SLC7A2: variants seen among roughly 807,000 people sequenced by gnomAD.
SLC7A2 encodes solute carrier family 7 member 2.
In SLC7A2, 48 loss-of-function variants were observed where a neutral mutation model predicts 58.9. The observed-to-expected ratio is 0.82, with a 90% CI of 0.65 to 1.04. The LOEUF is 1.04. Ranked by LOEUF, SLC7A2 falls within the 50% of genes least tolerant of loss-of-function variation. The pLI is 0.00. For synonymous variants in SLC7A2, 363 were observed against 314.5 expected, an observed-to-expected ratio of 1.15 and a Z score of -1.63; for missense variants, 1,029 against 818.8, an observed-to-expected ratio of 1.26 and a Z score of -3.13.
intron 2 of SLC7A2, among the ~76,000 whole-genome samples, chr8:17,515,188 G>C (rs13281892): frequency 6.6e-6 from 1 of 152,038 alleles, no homozygotes; most frequent in East Asian, 1.9e-4. Context: ...GTAATGGTGT[G>C]ATACACCCGG....
intron 2 of SLC7A2, among the ~76,000 whole-genome samples, chr8:17,536,191 A>C (rs1309364990): frequency 6.6e-6 from 1 of 152,086 alleles, no homozygotes; most frequent in Non-Finnish European, 1.5e-5. Context: ...TAGCTCTTAC[A>C]TGCTCCTCAT....
chr8:17,541,697 T>C (rs34068374), intron 2 of SLC7A2, among the ~76,000 whole-genome samples: 20,505 of 152,250 alleles, frequency 0.13, 1,881 homozygotes, highest in Non-Finnish European at 0.2. Context: ...TCTTTCATTT[T>C]TGATATTTCT....
chr8:17,499,412 C>T (rs576295741), intron 1 of SLC7A2, among the ~76,000 whole-genome samples: 1 of 150,566 alleles, frequency 6.6e-6, no homozygotes, highest in African/African-American at 2.4e-5. Context: ...CCTCCATTCT[C>T]TCTCCCCCCT....
intron 8 of SLC7A2, chr8:17,555,002 G>T: frequency 6.2e-7 from 1 of 1,613,976 alleles, no homozygotes; most frequent in Non-Finnish European, 8.5e-7. Flanking sequence ...GCCCGGGATG[G>T]CTTACTGTTT....
chr8:17,555,576 A>G (rs1160578618), intron 8 of SLC7A2, among the ~76,000 whole-genome samples: 1 of 152,230 alleles, frequency 6.6e-6, no homozygotes, highest in East Asian at 1.9e-4. Context: ...AATATTCAAG[A>G]TGATTTATGC....
At chr8:17,497,562 G>T (rs1419561870) in intron 1 of SLC7A2, among the ~76,000 whole-genome samples, 6 of 152,212 alleles carry the variant, frequency 3.9e-5, no homozygotes, top group Non-Finnish European at 1.5e-5. Flanking sequence ...CTGGAACTGG[G>T]AGAGGGGCTG....
intron 2 of SLC7A2, among the ~76,000 whole-genome samples, chr8:17,520,056 T>C (rs1037833821): frequency 1.6e-4 from 24 of 152,222 alleles, no homozygotes; most frequent in African/African-American, 5.5e-4. Flanking sequence ...GTTAAAGCTA[T>C]ATTATAGTTA....
chr8:17,551,670 T>C, intron 6 of SLC7A2, 94 bp from the exon 7 acceptor site: 2 of 896,956 alleles, frequency 2.2e-6, no homozygotes, highest in East Asian at 2.4e-5. Flanking sequence ...AGAGGAGAAC[T>C]ACCCTGGAGA....
chr8:17,543,447 C>A lies in SLC7A2; in HGVS notation c.108C>A (p.Thr36=), dbSNP rs1802009744. Residue 36 remains threonine (T), a synonymous_variant, in exon 3 of 13, where the codon ACC becomes ACA. Transcript: ENST00000494857. ...CCAAATTATGCCGCTGCTTATCCAC[C>A]ATGGACCTCATTGCCCTGGGCGTTG... ...EDTKLCRCLS[T]MDLIALGVGS... is the part of the protein sequence containing the mutation. The A allele has an allele frequency of 6.2e-7, 1 of 1,614,208 alleles. No individual in the cohort carries two copies. Among genetic ancestry groups the A allele is most frequent in the African/African-American group, 1.3e-5 (1 of 75,060 alleles).
intron 2 of SLC7A2, among the ~76,000 whole-genome samples, chr8:17,512,190 A>C (rs1033789989): frequency 6.6e-6 from 1 of 152,102 alleles, no homozygotes; most frequent in South Asian, 2.1e-4. Context: ...TATGTGGAGT[A>C]GAGTAACAAA....
chr8:17,548,865 T>G, intron 5 of SLC7A2, 22 bp downstream of exon 5: 1 of 1,578,630 alleles, frequency 6.3e-7, no homozygotes, highest in East Asian at 2.2e-5. Flanking sequence ...GAGGTTTTTT[T>G]TTTTCTCCTT....
chr8:17,556,650 C>T (rs1802717404), intron 8 of SLC7A2, among the ~76,000 whole-genome samples: 1 of 151,840 alleles, frequency 6.6e-6, no homozygotes, highest in South Asian at 2.1e-4. Context: ...ACTCTGTCAC[C>T]CAGGCTGGAG....
intron 10 of SLC7A2, 31 bp from the exon 11 acceptor site, chr8:17,561,911 TGC>T (rs1259664558): frequency 1.2e-6 from 2 of 1,609,974 alleles, no homozygotes; most frequent in Non-Finnish European, 1.7e-6. Context: ...GAGCACAGTG[TGC>T]TGACTCTGTT....
rs986451143 is a variant in SLC7A2, at chr8:17,543,461, C to T, written c.122C>T (p.Ala41Val). ...TGCTTATCCACCATGGACCTCATTGCCCTGGGCGTTGGAAGCACCCTTGGG... is the reference window on the plus strand; with the variant it reads ...TGCTTATCCACCATGGACCTCATTGTCCTGGGCGTTGGAAGCACCCTTGGG... ...CRCLSTMDLI[A>V]LGVGSTLGAG... Residue 41 changes from alanine (A) to valine (V), a missense_variant, in exon 3 of 13, where the codon GCC becomes GTC. By Grantham distance (64) the Ala-to-Val change is moderately conservative. Coordinates refer to ENST00000494857, the MANE Select transcript of SLC7A2 (RefSeq NM_001370338.1). 1.9e-6 allele frequency: 3 copies of T among 1,614,150 alleles called. No individual in the cohort carries two copies. Among genetic ancestry groups the T allele is most frequent in the Non-Finnish European group, 2.5e-6 (3 of 1,180,034 alleles).
chr8:17,510,301 C>A (rs2517233), intron 2 of SLC7A2, among the ~76,000 whole-genome samples: 150,268 of 152,142 alleles, frequency 0.99, 74,225 homozygotes, highest in East Asian at 1. Flanking sequence ...TCTGCAGAAA[C>A]GTCAAAATTG....
In SLC7A2 at chr8:17,554,628, A is replaced by G. The variant is rs1134976; in HGVS notation, c.1124A>G (p.Lys375Arg). The G allele has an allele frequency of 7.4e-6, 12 of 1,613,522 alleles. No homozygotes were observed. Among genetic ancestry groups the G allele is most frequent in the East Asian group, 6.7e-5 (3 of 44,824 alleles). The change falls in exon 8 of 13, where the codon AAA (lysine) becomes AGA (arginine). Residue 375 changes from lysine to arginine, a missense_variant. Lys to Arg is a conservative substitution (Grantham distance 26, BLOSUM62 2). Coordinates refer to ENST00000494857, the MANE Select transcript of SLC7A2 (RefSeq NM_001370338.1). ...ATGGCGGAGGATGGGTTGCTTTTCA[A>G]ATGTCTAGCTCAAATCAATTCCAAA... ...YAMAEDGLLF[K>R]CLAQINSKTK...
chr8:17,564,330 C>T (rs1004894694), intron 12 of SLC7A2, among the ~76,000 whole-genome samples: 5 of 152,118 alleles, frequency 3.3e-5, no homozygotes, highest in African/African-American at 1.2e-4. Context: ...TAAAATTTTT[C>T]CATATAAACA....
chr8:17,518,218 CT>C (rs35200868), intron 2 of SLC7A2, among the ~76,000 whole-genome samples: 31,717 of 143,852 alleles, frequency 0.22, 3,520 homozygotes, highest in African/African-American at 0.32. Flanking sequence ...TCTTTTCTTT[CT>C]TTTTTTTTTT....
chr8:17,529,660 G>A (rs537305271), intron 2 of SLC7A2, among the ~76,000 whole-genome samples: 1 of 151,752 alleles, frequency 6.6e-6, no homozygotes, highest in African/African-American at 2.4e-5. Flanking sequence ...TCAGCCTCTC[G>A]ATTAGCTGGG....
Sources: allele counts gnomAD v4.1 joint callset (sites outside exome capture counted in the v4.1 genomes callset), GRCh38; gene constraint gnomAD v4.1.1; transcripts MANE v1.5; gene names NCBI Gene and HGNC (gene_info 2026-07-23, HGNC 2026-07-21).